The following NUP153 variants were observed in gnomAD, a reference collection of about 807,000 sequenced individuals.
NUP153 encodes nucleoporin 153.
Under a neutral mutation model 134.6 loss-of-function variants are expected in NUP153, and 27 were observed. The ratio of observed to expected loss-of-function variants is 0.20; its 90% CI spans 0.15 to 0.28. The LOEUF (loss-of-function observed/expected upper bound fraction) is 0.28, where lower values mean the gene tolerates loss of function less well. Among genes scored for constraint, NUP153 ranks in the 10% least tolerant of loss-of-function variants. The probability of loss-of-function intolerance (pLI) is 1.00; values close to 1 mark genes in which losing one functional copy is unlikely to be tolerated. For missense variants in NUP153, 1,821 were observed against 1,731.3 expected, an observed-to-expected ratio of 1.05 and a Z score of -0.92; for synonymous variants, 640 against 623.5, an observed-to-expected ratio of 1.03 and a Z score of -0.40.
chr6:17,666,626 A>G (rs530847930), intron 8 of NUP153, among the ~76,000 whole-genome samples: 1 of 152,310 alleles, frequency 6.6e-6, no homozygotes, highest in East Asian at 1.9e-4. Context: ...CCAAACCAAA[A>G]ATCTTACAAT....
intron 1 of NUP153, among the ~76,000 whole-genome samples, chr6:17,697,732 C>T (rs12211005): frequency 0.28 from 42,336 of 149,670 alleles, 6,169 homozygotes; most frequent in East Asian, 0.33. Context: ...GGGCAGGCTA[C>T]TCTATAACAC....
Position 17,637,450 on chromosome 6 carries a change from T to C in NUP153, c.2167A>G (p.Ile723Val). ...CAGGTATCACAATCCCAAGTGCCTA[T>C]CACTGGTTTAAATTTGTCTCCAAAG... is the stretch of plus-strand genomic sequence containing the variant. ...TGFGDKFKPVIGTWDCDTCLV... is the reference protein window; with the variant it reads ...TGFGDKFKPVVGTWDCDTCLV... The change falls in exon 16 of 22, where the codon ATA becomes GTA. Residue 723 changes from isoleucine to valine, a missense_variant. Ile to Val is a conservative substitution (Grantham distance 29). Coordinates refer to ENST00000262077, the MANE Select transcript of NUP153 (RefSeq NM_005124.4). 2 of 1,614,226 alleles carry C rather than the reference T, an allele frequency of 1.2e-6. No homozygotes were observed. The highest frequency in any genetic ancestry group is 1.7e-6 in the Non-Finnish European group (2 of 1,180,032).
At chr6:17,689,769 C>T (rs1019948180) in intron 1 of NUP153, among the ~76,000 whole-genome samples, 7 of 151,992 alleles carry the variant, frequency 4.6e-5, no homozygotes, top group Non-Finnish European at 1.0e-4. Flanking sequence ...AGGTGATCCG[C>T]CCACCTCTGC....
At chr6:17,652,359 T>A (rs1299272287) in intron 11 of NUP153, among the ~76,000 whole-genome samples, 1 of 152,270 alleles carries the variant, frequency 6.6e-6, no homozygotes, top group African/African-American at 2.4e-5. Flanking sequence ...AATGAAATTA[T>A]ATTAGAAATC....
Position 17,629,109 on chromosome 6 carries a change from G to T in NUP153, c.3090C>A (p.Asn1030Lys). 1 of 1,614,184 alleles carries T rather than the reference G, an allele frequency of 6.2e-7. No individual in the cohort carries two copies. Among genetic ancestry groups the T allele is most frequent in the Non-Finnish European group, 8.5e-7 (1 of 1,180,036 alleles). The change falls in exon 18 of 22, where the codon AAC (asparagine) becomes AAA (lysine). Residue 1030 changes from asparagine (N) to lysine (K), a missense_variant. Transcript: ENST00000262077. ...TGGTGTTAGCAGGAGCAGGGGTGGA[G>T]TTAATAACACCTGTACCAAAGCTAA... ...AGFSFGTGVINSTPAPANTIV... is the reference protein window; with the variant it reads ...AGFSFGTGVIKSTPAPANTIV...
intron 1 of NUP153, among the ~76,000 whole-genome samples, chr6:17,691,707 T>C (rs560645591): frequency 5.6e-4 from 85 of 152,188 alleles, no homozygotes; most frequent in African/African-American, 1.6e-3. Flanking sequence ...AGACGGGCCA[T>C]TGCACTCCAG....
At chr6:17,693,592 A>C (rs1769424158) in intron 1 of NUP153, among the ~76,000 whole-genome samples, 1 of 152,188 alleles carries the variant, frequency 6.6e-6, no homozygotes, top group Non-Finnish European at 1.5e-5. Flanking sequence ...CTTCTTAAAG[A>C]TACTTCCTTT....
chr6:17,661,973 C>G (rs1767214069), intron 10 of NUP153, 45 bp downstream of exon 10: 5 of 1,417,998 alleles, frequency 3.5e-6, no homozygotes, highest in Non-Finnish European at 4.9e-6. Flanking sequence ...ACAGACCTTA[C>G]AAGTTAAATA....
chr6:17,618,404 A>C (rs1194059897), intron 20 of NUP153, among the ~76,000 whole-genome samples: 1 of 152,162 alleles, frequency 6.6e-6, no homozygotes, highest in African/African-American at 2.4e-5. Flanking sequence ...AAAGAAACAA[A>C]ATTTTAAGGA....
At chr6:17,705,738 A>C (rs906759841) in intron 1 of NUP153, among the ~76,000 whole-genome samples, 10 of 152,268 alleles carry the variant, frequency 6.6e-5, no homozygotes, top group Non-Finnish European at 1.5e-4. Context: ...GGGGAAACCG[A>C]GAATTAACTC....
At chr6:17,655,643 G>A (rs1238196281) in intron 11 of NUP153, among the ~76,000 whole-genome samples, 5 of 151,592 alleles carry the variant, frequency 3.3e-5, no homozygotes, top group African/African-American at 4.8e-5. Flanking sequence ...TAGTAGAGAC[G>A]GGGTTTCACC....
At chr6:17,639,836 C>T in intron 15 of NUP153, 103 bp downstream of exon 15, 3 of 1,049,270 alleles carry the variant, frequency 2.9e-6, no homozygotes, top group Non-Finnish European at 4.0e-6. Context: ...AATCTCCTAC[C>T]AAACTAGTCA....
At chr6:17,701,840 G>GGC (rs1554148714) in intron 1 of NUP153, among the ~76,000 whole-genome samples, 7 of 103,672 alleles carry the variant, frequency 6.8e-5, no homozygotes, top group Non-Finnish European at 1.3e-4. Flanking sequence ...CTCGGGGGGG[G>GGC]GGGGAAAAAA....
chr6:17,661,910 TAA>T, intron 10 of NUP153, 106 bp downstream of exon 10: 1 of 1,292,212 alleles, frequency 7.7e-7, no homozygotes, highest in Non-Finnish European at 1.1e-6. Context: ...TTTCTTTATA[TAA>T]AGTTTCTGTT....
At chr6:17,676,745 A>AT (rs1768245120) in intron 2 of NUP153, among the ~76,000 whole-genome samples, 1 of 152,172 alleles carries the variant, frequency 6.6e-6, no homozygotes, top group South Asian at 2.1e-4. Flanking sequence ...GTCTAGGAAC[A>AT]TTTTCAGACC....
intron 8 of NUP153, among the ~76,000 whole-genome samples, chr6:17,668,644 A>C (rs1767699257): frequency 6.6e-6 from 1 of 151,916 alleles, no homozygotes. Context: ...GGAGTTTGAG[A>C]CCAGTCTAGC....
chr6:17,643,303 C>G (rs951503606), intron 14 of NUP153, among the ~76,000 whole-genome samples: 2 of 152,202 alleles, frequency 1.3e-5, no homozygotes, highest in East Asian at 1.9e-4. Flanking sequence ...GAAACCCCTT[C>G]TCTACTAAAA....
At chr6:17,669,384 CAA>C in intron 6 of NUP153, 44 bp downstream of exon 6, 2 of 1,596,796 alleles carry the variant, frequency 1.3e-6, no homozygotes, top group Non-Finnish European at 1.7e-6. Context: ...TCAATAATAT[CAA>C]GTTTTGTTAC....
At chr6:17,701,598 T>C (rs531036690) in intron 1 of NUP153, among the ~76,000 whole-genome samples, 3 of 149,544 alleles carry the variant, frequency 2.0e-5, no homozygotes, top group Admixed American at 6.7e-5. Flanking sequence ...GAGGCGGAGG[T>C]TGCAGTGAGC....
Sources: allele counts gnomAD v4.1 joint callset (sites outside exome capture counted in the v4.1 genomes callset), GRCh38; gene constraint gnomAD v4.1.1; transcripts MANE v1.5; gene names NCBI Gene and HGNC (gene_info 2026-07-23, HGNC 2026-07-21).